Variants in LTBP1 observed in about 807,000 individuals in gnomAD.
LTBP1 encodes latent transforming growth factor beta binding protein 1.
Under a neutral mutation model 207.6 loss-of-function variants are expected in LTBP1, and 129 were observed. The ratio of observed to expected loss-of-function variants is 0.62; its 90% CI spans 0.54 to 0.72. The LOEUF is 0.72. Among genes scored for constraint, LTBP1 ranks in the 30% least tolerant of loss-of-function variants. LTBP1 has a pLI of 0.00. For missense variants in LTBP1, 2,281 were observed against 2,217.2 expected (o/e 1.03, Z -0.58); for synonymous variants, 963 against 833.7 (o/e 1.16, Z -2.67).
intron 7 of LTBP1, among the ~76,000 whole-genome samples, chr2:33,204,209 T>G (rs945089186): frequency 6.6e-6 from 1 of 152,076 alleles, no homozygotes; most frequent in Middle Eastern, 3.2e-3. Context: ...ATCCTTCCAT[T>G]TTTTTTCCCT....
At chr2:33,099,447 A>T (rs1479023391) in intron 3 of LTBP1, among the ~76,000 whole-genome samples, 2 of 151,628 alleles carry the variant, frequency 1.3e-5, no homozygotes, top group African/African-American at 2.4e-5. Flanking sequence ...CATTTAAAAA[A>T]TTTTCCCGTA....
intron 3 of LTBP1, among the ~76,000 whole-genome samples, chr2:33,044,868 G>A (rs565784215): frequency 5.3e-5 from 8 of 152,208 alleles, no homozygotes; most frequent in South Asian, 2.1e-4. Flanking sequence ...GGCCAGTGAC[G>A]ATGAGCTTTT....
intron 3 of LTBP1, among the ~76,000 whole-genome samples, chr2:33,024,390 C>T (rs911306258): frequency 3.9e-5 from 6 of 152,064 alleles, no homozygotes; most frequent in Middle Eastern, 3.4e-3. Flanking sequence ...CAAAGGCCTG[C>T]GATAAGTGCA....
intron 23 of LTBP1, among the ~76,000 whole-genome samples, chr2:33,312,325 T>C (rs2094199983): frequency 6.6e-6 from 1 of 152,196 alleles, no homozygotes; most frequent in African/African-American, 2.4e-5. Flanking sequence ...TACTTCTATA[T>C]TCAGTAAGGC....
At chr2:33,012,684 A>T (rs1687837257) in intron 2 of LTBP1, among the ~76,000 whole-genome samples, 1 of 152,212 alleles carries the variant, frequency 6.6e-6, no homozygotes, top group African/African-American at 2.4e-5. Context: ...GAGGGGGCTC[A>T]ATTGGATGAA....
intron 24 of LTBP1, among the ~76,000 whole-genome samples, chr2:33,319,227 G>A (rs186503988): frequency 0.01 from 1,566 of 152,120 alleles, 19 homozygotes; most frequent in African/African-American, 0.035. Context: ...GTGGAACCCC[G>A]TCTCTACTAA....
At chr2:33,363,311 C>T (rs1363587064) in intron 28 of LTBP1, 79 bp from the exon 29 acceptor site, 2 of 1,430,638 alleles carry the variant, frequency 1.4e-6, no homozygotes, top group Non-Finnish European at 9.6e-7. Flanking sequence ...AACTTAAAGC[C>T]CCAAATCTGG....
Position 33,389,224 on chromosome 2 carries a change from C to T in LTBP1, c.4752C>T (p.Arg1584=), listed in dbSNP as rs754484216. The change falls in exon 32 of 34, where the codon CGC becomes CGT. Residue 1584 remains arginine, a synonymous_variant. Transcript: ENST00000404816. The part of the protein sequence containing the change: ...AQLCNIPVTG[R]RQPYGRDALV... The stretch of plus-strand genomic sequence containing the variant: ...TGTGTAACATCCCCGTGACGGGACG[C>T]CGGCAGCCATATGGACGGGACGCCT... 13 of 1,614,152 alleles carry T rather than the reference C, an allele frequency of 8.1e-6. No individual in the cohort carries two copies. The highest frequency in any genetic ancestry group is 2.2e-5 in the East Asian group (1 of 44,878).
intron 5 of LTBP1, among the ~76,000 whole-genome samples, chr2:33,149,549 C>G (rs2083346944): frequency 6.6e-6 from 1 of 152,140 alleles, no homozygotes; most frequent in Admixed American, 6.6e-5. Context: ...ATGTGTTGAC[C>G]TAGTCAACTG....
chr2:33,185,207 A>T (rs1375146216), intron 5 of LTBP1, among the ~76,000 whole-genome samples: 1 of 152,180 alleles, frequency 6.6e-6, no homozygotes, highest in Non-Finnish European at 1.5e-5. Context: ...GTGTGATGAG[A>T]TTGCAGAGGA....
intron 2 of LTBP1, among the ~76,000 whole-genome samples, chr2:33,013,609 G>T (rs1050985382): frequency 6.6e-6 from 1 of 151,556 alleles, no homozygotes; most frequent in Non-Finnish European, 1.5e-5. Context: ...GTTATACATG[G>T]CAGTGATAAG....
intron 2 of LTBP1, among the ~76,000 whole-genome samples, chr2:32,955,819 A>G (rs1677986992): frequency 6.6e-6 from 1 of 152,148 alleles, no homozygotes; most frequent in Non-Finnish European, 1.5e-5. Flanking sequence ...TGGAGAGAAA[A>G]TATTACATAA....
chr2:33,277,409 C>T (rs914989624), intron 18 of LTBP1, among the ~76,000 whole-genome samples: 2 of 152,186 alleles, frequency 1.3e-5, no homozygotes, highest in African/African-American at 4.8e-5. Context: ...GGGAGCAGCT[C>T]ACCACGCCCA....
In LTBP1 at chr2:32,947,046, C is replaced by A. The variant is rs1468621817; in HGVS notation, c.-279C>A. ...ACCCCCGGCCGGACGCGCGGACCCTCACCTTGCGCGGCCCGCTCCCCTCGC... is the reference window on the plus strand; with the variant it reads ...ACCCCCGGCCGGACGCGCGGACCCTAACCTTGCGCGGCCCGCTCCCCTCGC... On this transcript the variant is annotated 5_prime_UTR_variant, in exon 1 of 34. Transcript: ENST00000404816. 1.1e-5 allele frequency: 3 copies of A among 270,572 alleles called. No individual in the cohort carries two copies. The highest frequency in any genetic ancestry group is 6.7e-5 in the African/African-American group (3 of 44,812). The allele number at this position is 270,572 out of a possible 1,614,324, so 16.8% of individuals were successfully genotyped here. A position where few individuals can be genotyped will look rare whatever the true frequency, so the allele number is the denominator to read the frequency against.
At chr2:33,101,448 C>T (rs776139379) in intron 3 of LTBP1, among the ~76,000 whole-genome samples, 32 of 152,152 alleles carry the variant, frequency 2.1e-4, no homozygotes, top group Non-Finnish European at 4.4e-4. Flanking sequence ...TTTCACCCAT[C>T]ATAAAAAGAA....
chr2:33,217,489 G>T, intron 7 of LTBP1, 63 bp from the exon 8 acceptor site: 2 of 1,131,230 alleles, frequency 1.8e-6, no homozygotes, highest in Non-Finnish European at 2.7e-6. Flanking sequence ...AGGGACAGCA[G>T]TGCTCTGGGG....
intron 5 of LTBP1, among the ~76,000 whole-genome samples, chr2:33,139,283 G>C (rs1160858884): frequency 6.6e-6 from 1 of 152,186 alleles, no homozygotes; most frequent in Non-Finnish European, 1.5e-5. Flanking sequence ...GTTTCAGCCA[G>C]GTTTTCTTAT....
chr2:33,220,269 C>A (rs1219531721), intron 8 of LTBP1, among the ~76,000 whole-genome samples: 1 of 152,188 alleles, frequency 6.6e-6, no homozygotes, highest in East Asian at 1.9e-4. Context: ...CTCTCTAAAT[C>A]ATATTCAGTT....
intron 4 of LTBP1, among the ~76,000 whole-genome samples, chr2:33,133,651 G>A (rs1572785440): frequency 6.6e-6 from 1 of 152,178 alleles, no homozygotes; most frequent in Non-Finnish European, 1.5e-5. Context: ...TAGCACAAAA[G>A]CAGCCATAGA....
Sources: gnomAD v4.1 joint callset for allele counts (sites outside exome capture counted in the v4.1 genomes callset) on GRCh38, gnomAD v4.1.1 for gene constraint, MANE v1.5 for transcripts, NCBI Gene and HGNC (gene_info 2026-07-23, HGNC 2026-07-21) for gene names.